MTG1: variants seen among roughly 807,000 people sequenced by gnomAD.
MTG1 encodes mitochondrial ribosome-associated GTPase 1.
A neutral mutation model predicts 39.5 loss-of-function variants in MTG1; 30 were observed. The observed-to-expected ratio is 0.76, with a 90% confidence interval of 0.57 to 1.03. The LOEUF is 1.03. Ranked by LOEUF, MTG1 falls within the 50% of genes least tolerant of loss-of-function variation. The pLI, the probability that MTG1 is intolerant of heterozygous loss-of-function variation, is 0.00. For synonymous variants in MTG1, 217 were observed against 179.0 expected (o/e 1.21, Z -1.69); for missense variants, 513 against 447.4 (o/e 1.15, Z -1.32).
intron 9 of MTG1, among the ~76,000 whole-genome samples, chr10:133,410,703 T>C (rs1850034491): frequency 6.6e-6 from 1 of 152,204 alleles, no homozygotes; most frequent in Non-Finnish European, 1.5e-5. Flanking sequence ...GCCCAGGAGT[T>C]TGAGGCTGCA....
At chr10:133,413,145 CTG>C (rs1187288093) in intron 9 of MTG1, among the ~76,000 whole-genome samples, 1 of 152,198 alleles carries the variant, frequency 6.6e-6, no homozygotes, top group Non-Finnish European at 1.5e-5. Context: ...GAGTCTCACT[CTG>C]TTTCTCAGGC....
At chr10:133,399,377 G>A (rs1849835299) in intron 5 of MTG1, 151 bp downstream of exon 5, 11 of 1,191,862 alleles carry the variant, frequency 9.2e-6, no homozygotes, top group Non-Finnish European at 1.2e-5. Context: ...AAGGGCCGAG[G>A]CCGTCCCCGC....
At chr10:133,398,707 T>C (rs1245322230) in intron 4 of MTG1, among the ~76,000 whole-genome samples, 192 bp downstream of exon 4, 1 of 152,228 alleles carries the variant, frequency 6.6e-6, no homozygotes, top group Non-Finnish European at 1.5e-5. Context: ...AAGGTCAGGC[T>C]GTAGACGCAT....
chr10:133,401,667 G>C lies in MTG1; in HGVS notation c.573+77G>C, dbSNP rs1165277275. 4 of 1,412,496 alleles carry C rather than the reference G, an allele frequency of 2.8e-6. No homozygotes were observed. The Admixed American group carries it at 6.9e-5, about 24-fold the overall frequency. The allele number at this position is 1,412,496 out of a possible 1,614,324, so 87.5% of individuals were successfully genotyped here. ...TCTGGCACCTGCCGACCTCTGTGTG[G>C]CTTCCGGCTGCTGACCACGCTTCCC... On this transcript the variant is annotated intron_variant, in intron 7 of 10. Transcript: ENST00000317502.
intron 9 of MTG1, among the ~76,000 whole-genome samples, chr10:133,411,458 C>T (rs578081914): frequency 3.3e-5 from 5 of 152,268 alleles, no homozygotes; most frequent in Non-Finnish European, 7.4e-5. Context: ...GATCTCTGAC[C>T]TCCCTGTACC....
chr10:133,419,613 G>A (rs369271671), intron 10 of MTG1, 21 bp downstream of exon 10: 14 of 1,563,934 alleles, frequency 9.0e-6, no homozygotes, highest in South Asian at 2.3e-5. Context: ...TCGCTGATGC[G>A]GGCACCGGAG....
chr10:133,394,629 CA>C, intron 1 of MTG1: 1 of 1,251,464 alleles, frequency 8.0e-7, no homozygotes, highest in African/African-American at 1.6e-5. Flanking sequence ...CTGTTCCCAG[CA>C]AGTTCCTTCT....
rs1170946875 is a variant in MTG1, at chr10:133,417,868, TAAAAG to T, written c.753-1610_753-1606del. 3.9e-5 allele frequency among the ~76,000 whole-genome samples: 6 copies of T among 152,156 alleles called. No individual in the cohort carries two copies. In the East Asian group the frequency reaches 5.8e-4, roughly 15 times the overall value. On this transcript the variant is annotated intron_variant, in intron 9 of 10. Coordinates refer to ENST00000317502, the MANE Select transcript of MTG1 (RefSeq NM_138384.4). Reference sequence around the variant, plus strand: ...AACTACAAACCACTGCTCAATGAAATAAAAGAGAATACAAACAAATGGAAGAACAT... The same window carrying T: ...AACTACAAACCACTGCTCAATGAAATAGAATACAAACAAATGGAAGAACAT...
chr10:133,399,905 T>C, intron 6 of MTG1: 1 of 355,092 alleles, frequency 2.8e-6, no homozygotes, highest in Non-Finnish European at 5.1e-6. Flanking sequence ...TTTATTTAAA[T>C]CCCTTTGGCC....
At chr10:133,414,864 A>G (rs1323643335) in intron 9 of MTG1, among the ~76,000 whole-genome samples, 1 of 152,252 alleles carries the variant, frequency 6.6e-6, no homozygotes, top group African/African-American at 2.4e-5. Context: ...ACTGCACTCC[A>G]GCCTGGGCAC....
Position 133,420,324 on chromosome 10 carries a change from C to G in MTG1, c.*159C>G, listed in dbSNP as rs1025610127. On this transcript the variant is annotated 3_prime_UTR_variant, in exon 11 of 11. Coordinates refer to ENST00000317502, the MANE Select transcript of MTG1 (RefSeq NM_138384.4). ...CACAGCCTGGCCAGCTCCAGGGACCCCAGTTGCAGGGCCCAAGCAGGTGGG... is the reference window on the plus strand; with the variant it reads ...CACAGCCTGGCCAGCTCCAGGGACCGCAGTTGCAGGGCCCAAGCAGGTGGG... The G allele has an allele frequency of 2.3e-6, 2 of 876,588 alleles. No individual in the cohort carries two copies. Among genetic ancestry groups the G allele is most frequent in the Non-Finnish European group, 3.2e-6 (2 of 616,334 alleles). The allele number at this position is 876,588 out of a possible 1,614,324, so 54.3% of individuals were successfully genotyped here. A position where few individuals can be genotyped will look rare whatever the true frequency, so the allele number is the denominator to read the frequency against.
chr10:133,415,961 CGGGT>C (rs977674554), intron 9 of MTG1, among the ~76,000 whole-genome samples: 1 of 141,948 alleles, frequency 7.0e-6, no homozygotes, highest in African/African-American at 2.6e-5. Context: ...ATCAGGCACG[CGGGT>C]GTCGGGCAGG....
In MTG1 at chr10:133,420,081, G is replaced by T; in HGVS notation, c.921G>T (p.Gln307His). The T allele has an allele frequency of 6.2e-7, 1 of 1,613,618 alleles. No individual in the cohort carries two copies. The highest frequency in any genetic ancestry group is 1.7e-4 in the Middle Eastern group (1 of 6,058). ...NYPAAARDFL[Q>H]TFRRGLLGSV... ...CTGCGGCAGCCCGTGACTTCCTGCA[G>T]ACTTTCCGCCGTGGGCTGCTGGGTT... Residue 307 changes from glutamine to histidine, a missense_variant, in exon 11 of 11, where the codon CAG becomes CAT. Gln to His is a conservative substitution (Grantham distance 24, BLOSUM62 0). Coordinates refer to ENST00000317502, the MANE Select transcript of MTG1 (RefSeq NM_138384.4).
intron 3 of MTG1, among the ~76,000 whole-genome samples, chr10:133,396,623 T>G (rs1476382689): frequency 6.6e-6 from 1 of 152,178 alleles, no homozygotes; most frequent in African/African-American, 2.4e-5. Flanking sequence ...ATAAAACATA[T>G]GAAATAAGAA....
chr10:133,399,440 C>A, intron 5 of MTG1, 89 bp from the exon 6 acceptor site: 2 of 1,381,900 alleles, frequency 1.4e-6, no homozygotes, highest in Non-Finnish European at 2.0e-6. Context: ...GCTGACCTGG[C>A]CTGGGGTCCC....
At position 133,400,178 on chromosome 10, in the gene MTG1, C is replaced by G. The variant is rs1381646682; in HGVS notation, c.511+559C>G. On this transcript the variant is annotated intron_variant, in intron 6 of 10. Coordinates refer to ENST00000317502, the MANE Select transcript of MTG1 (RefSeq NM_138384.4). ...CTGCGTTCCAGCCTGGGCGACAGAG[C>G]GAGACTCCGTCTCAAAAAAAAAAAG... Among the ~76,000 whole-genome samples the G allele has an allele frequency of 2.6e-5, 4 of 151,200 alleles. No individual in the cohort carries two copies. In the South Asian group the frequency reaches 6.3e-4, roughly 24 times the overall value.
intron 9 of MTG1, among the ~76,000 whole-genome samples, chr10:133,411,963 CTGTT>C (rs1424025185): frequency 1.3e-5 from 2 of 151,954 alleles, no homozygotes; most frequent in African/African-American, 2.4e-5. Flanking sequence ...TTTGCTTTGT[CTGTT>C]TGAGAAGGTC....
rs1850215590 is a variant in MTG1, at chr10:133,420,618, G to A, written c.*453G>A. The A allele has an allele frequency of 1.3e-5, 2 of 158,710 alleles. No homozygotes were observed. Among genetic ancestry groups the A allele is most frequent in the African/African-American group, 4.8e-5 (2 of 41,724 alleles). 9.8% of individuals were successfully genotyped at this position (158,710 alleles called of 1,614,324 possible). On this transcript the variant is annotated 3_prime_UTR_variant, in exon 11 of 11. Transcript: ENST00000317502. Reference sequence around the variant, plus strand: ...GTTGGCAGCTAGGGTTTGTGTTGGAGGCTTTCGGTCCAGTGTCTTGCAGTC... The same window carrying A: ...GTTGGCAGCTAGGGTTTGTGTTGGAAGCTTTCGGTCCAGTGTCTTGCAGTC...
Position 133,401,570 on chromosome 10 carries a change from G to A in MTG1, c.553G>A (p.Ala185Thr), listed in dbSNP as rs759409872. ...GGGTGGCGAGCCTGGGATCACCAGAGCTGTGATGTCCAAAATTCAGGTGGA... is the reference window on the plus strand; with the variant it reads ...GGGTGGCGAGCCTGGGATCACCAGAACTGTGATGTCCAAAATTCAGGTGGA... ...RVGGEPGITR[A>T]VMSKIQVSER... The change falls in exon 7 of 11, where the codon GCT (alanine) becomes ACT (threonine). Residue 185 changes from alanine to threonine, a missense_variant. Physicochemically the swap from Ala to Thr is moderately conservative, Grantham distance 58. Coordinates refer to ENST00000317502, the MANE Select transcript of MTG1 (RefSeq NM_138384.4). 9.9e-6 allele frequency: 16 copies of A among 1,610,950 alleles called. 1 individual carries two copies. The South Asian group carries it at 1.8e-4, about 18-fold the overall frequency.
Sources: allele counts gnomAD v4.1 joint callset (sites outside exome capture counted in the v4.1 genomes callset), GRCh38; gene constraint gnomAD v4.1.1; transcripts MANE v1.5; gene names NCBI Gene and HGNC (gene_info 2026-07-23, HGNC 2026-07-21).